ATG7: variants seen among roughly 807,000 people sequenced by gnomAD.
ATG7 encodes the protein ubiquitin-like modifier-activating enzyme ATG7.
Under a neutral mutation model 82.4 loss-of-function variants are expected in ATG7, and 70 were observed. The observed-to-expected ratio is 0.85, with a 90% CI of 0.70 to 1.04. The LOEUF (loss-of-function observed/expected upper bound fraction) is 1.04, where lower values mean the gene tolerates loss of function less well. Ranked by LOEUF, ATG7 falls within the 50% of genes least tolerant of loss-of-function variation. ATG7 has a pLI of 0.00. For synonymous variants in ATG7, 287 were observed against 313.0 expected, an observed-to-expected ratio of 0.92 and a Z score of 0.88; for missense variants, 792 against 864.3, an observed-to-expected ratio of 0.92 and a Z score of 1.05.
intron 3 of ATG7, among the ~76,000 whole-genome samples, chr3:11,286,974 CCAGGCTGGT>C (rs1944188328): frequency 6.6e-6 from 1 of 151,518 alleles, no homozygotes; most frequent in Admixed American, 6.6e-5. Context: ...GCTATGTTGC[CCAGGCTGGT>C]CATGAACTCC....
intron 20 of ATG7, among the ~76,000 whole-genome samples, chr3:11,431,698 A>T (rs2082906623): frequency 6.6e-6 from 1 of 152,236 alleles, no homozygotes; most frequent in African/African-American, 2.4e-5. Flanking sequence ...TTCATGTTGT[A>T]GCAAGGTACG....
At chr3:11,568,987 A>C in the ATG7 span, 10 of 1,123,096 alleles carry the variant, frequency 8.9e-6, no homozygotes, top group Non-Finnish European at 1.1e-5. This position sits in a 1 kb window ranked among gnomAD's most constrained non-coding sequence, Gnocchi z 5.9. Context: ...AGAGGCCTAC[A>C]ACACCATCAT....
In ATG7 at chr3:11,557,060, C is replaced by G. The variant is rs1559844337; in HGVS notation, c.*2217C>G. ...GCCTTGCAGGTGAGGTGACCACGCCCACGTCACCTGGTCAGGTGCCATCGT... is the reference window on the plus strand; with the variant it reads ...GCCTTGCAGGTGAGGTGACCACGCCGACGTCACCTGGTCAGGTGCCATCGT... On this transcript the variant is annotated 3_prime_UTR_variant, in exon 21 of 21. Transcript: ENST00000693202. 1 of 152,446 alleles carries G rather than the reference C, an allele frequency of 6.6e-6. No individual in the cohort carries two copies. The highest frequency in any genetic ancestry group is 1.5e-5 in the Non-Finnish European group (1 of 68,038). 9.4% of individuals were successfully genotyped at this position (152,446 alleles called of 1,614,324 possible).
intron 20 of ATG7, among the ~76,000 whole-genome samples, chr3:11,511,498 A>G (rs1378976436): frequency 6.6e-6 from 1 of 152,196 alleles, no homozygotes; most frequent in East Asian, 1.9e-4. Flanking sequence ...AAGACTCTCC[A>G]TGTCCCCACC....
At chr3:11,388,538 C>A (rs1005064363) in intron 19 of ATG7, among the ~76,000 whole-genome samples, 2 of 151,800 alleles carry the variant, frequency 1.3e-5, no homozygotes, top group South Asian at 4.2e-4. Flanking sequence ...ATGCCATTCT[C>A]CTGCCTCAGC....
At chr3:11,330,865 T>C (rs1389450492) in intron 9 of ATG7, among the ~76,000 whole-genome samples, 3 of 152,096 alleles carry the variant, frequency 2.0e-5, no homozygotes, top group African/African-American at 7.2e-5. Context: ...GGAGGAAATA[T>C]ATGTTAGCAA....
chr3:11,547,834 C>G (rs1048851635), intron 20 of ATG7, among the ~76,000 whole-genome samples: 3 of 152,152 alleles, frequency 2.0e-5, no homozygotes, highest in Admixed American at 6.5e-5. Context: ...AAATGTCTAT[C>G]CAACATCTTT....
At chr3:11,451,571 G>A (rs904971713) in intron 20 of ATG7, among the ~76,000 whole-genome samples, 1 of 152,054 alleles carries the variant, frequency 6.6e-6, no homozygotes, top group East Asian at 1.9e-4. Flanking sequence ...TGGCCCAAGC[G>A]TATCACTGGT....
chr3:11,425,909 T>C (rs572691670), intron 19 of ATG7, among the ~76,000 whole-genome samples: 2 of 152,370 alleles, frequency 1.3e-5, no homozygotes, highest in African/African-American at 4.8e-5. Flanking sequence ...GTACAGTACA[T>C]ACTGCTTCTT....
In ATG7 at chr3:11,277,339, G is replaced by A. The variant is rs538987012; in HGVS notation, c.-365-3655G>A. On this transcript the variant is annotated intron_variant, in intron 1 of 20. Coordinates refer to ENST00000693202, the MANE Select transcript of ATG7 (RefSeq NM_001349232.2). ...TGGCCTTTGCCTGCTTTTATGGCATGGTCCATCTACTCTGCCCCATGTGCC... is the reference window on the plus strand; with the variant it reads ...TGGCCTTTGCCTGCTTTTATGGCATAGTCCATCTACTCTGCCCCATGTGCC... 2.0e-5 allele frequency: 3 copies of A among 152,368 alleles called. No individual in the cohort carries two copies. In the East Asian group the frequency reaches 5.8e-4, roughly 29 times the overall value. The allele number at this position is 152,368 out of a possible 1,614,324, so 9.4% of individuals were successfully genotyped here.
chr3:11,334,619 T>C (rs1296831367), intron 11 of ATG7, among the ~76,000 whole-genome samples: 1 of 146,194 alleles, frequency 6.8e-6, no homozygotes, highest in Non-Finnish European at 1.5e-5. Context: ...ATGCCATAGA[T>C]ATGCCTTAAA....
At chr3:11,544,993 T>C (rs547579035) in intron 20 of ATG7, among the ~76,000 whole-genome samples, 1 of 152,198 alleles carries the variant, frequency 6.6e-6, no homozygotes, top group South Asian at 2.1e-4. Flanking sequence ...GAGAATAAGG[T>C]AGGCCAGCAG....
chr3:11,472,711 G>A (rs2087686122), intron 20 of ATG7, among the ~76,000 whole-genome samples: 1 of 152,090 alleles, frequency 6.6e-6, no homozygotes, highest in Admixed American at 6.5e-5. Context: ...TCCTTTTTTG[G>A]TAAATGCCTA....
chr3:11,322,467 G>A (rs371576626), intron 9 of ATG7, among the ~76,000 whole-genome samples: 7 of 151,990 alleles, frequency 4.6e-5, no homozygotes, highest in Non-Finnish European at 1.0e-4. Flanking sequence ...TTAAAATGTC[G>A]CAAAGGTTTT....
chr3:11,345,498 C>A (rs942796787), intron 13 of ATG7, among the ~76,000 whole-genome samples: 2 of 152,092 alleles, frequency 1.3e-5, no homozygotes, highest in African/African-American at 2.4e-5. Flanking sequence ...TGTTGACTCA[C>A]CTTTTTAGAT....
At chr3:11,361,077 G>T (rs151328565) in intron 16 of ATG7, among the ~76,000 whole-genome samples, 1 of 152,086 alleles carries the variant, frequency 6.6e-6, no homozygotes, top group East Asian at 1.9e-4. Flanking sequence ...ATTGTCTCCG[G>T]TGCTTCTCTT....
chr3:11,545,873 C>A (rs1292355769), intron 20 of ATG7, among the ~76,000 whole-genome samples: 1 of 152,160 alleles, frequency 6.6e-6, no homozygotes, highest in African/African-American at 2.4e-5. Flanking sequence ...ACCCCCATAC[C>A]CCCATTGTTT....
At chr3:11,379,232 A>C (rs77075000) in intron 18 of ATG7, among the ~76,000 whole-genome samples, 6,570 of 152,274 alleles carry the variant, frequency 0.043, 212 homozygotes, top group Non-Finnish European at 0.072. Context: ...GAGAGTTTAG[A>C]GATGTTACCA....
intron 19 of ATG7, among the ~76,000 whole-genome samples, chr3:11,381,894 A>G (rs2077929343): frequency 6.6e-6 from 1 of 152,216 alleles, no homozygotes; most frequent in Non-Finnish European, 1.5e-5. Context: ...GGAGATTGTC[A>G]TTCTCTATTA....
Sources: gnomAD v4.1 joint callset for allele counts (sites outside exome capture counted in the v4.1 genomes callset) on GRCh38, gnomAD v4.1.1 for gene constraint, Gnocchi (gnomAD v3.1) non-coding constraint, MANE v1.5 for transcripts, NCBI Gene and HGNC (gene_info 2026-07-23, HGNC 2026-07-21) for gene names.